Variants in TBC1D14 observed in about 807,000 individuals in gnomAD.
The protein encoded by TBC1D14 is TBC1 domain family, member 14.
A neutral mutation model predicts 79.0 loss-of-function variants in TBC1D14; 26 were observed. The observed-to-expected ratio is 0.33, with a 90% CI of 0.24 to 0.46. The LOEUF (loss-of-function observed/expected upper bound fraction) is 0.46. Among genes scored for constraint, TBC1D14 ranks in the 20% least tolerant of loss-of-function variants. The pLI is 1.00. For synonymous variants in TBC1D14, 394 were observed against 349.9 expected, an observed-to-expected ratio of 1.13 and a Z score of -1.40; for missense variants, 769 against 887.6, an observed-to-expected ratio of 0.87 and a Z score of 1.70.
chr4:6,964,213 GC>G (rs1177656916), intron 2 of TBC1D14, among the ~76,000 whole-genome samples: 1 of 152,090 alleles, frequency 6.6e-6, no homozygotes, highest in Non-Finnish European at 1.5e-5. Context: ...CCTCCTGCCA[GC>G]CCGTTTCAGT....
At chr4:6,981,023 T>G in intron 3 of TBC1D14, among the ~76,000 whole-genome samples, 1 of 97,768 alleles carries the variant, frequency 1.0e-5, no homozygotes, top group African/African-American at 3.4e-5. Flanking sequence ...CCTCTGTCTC[T>G]TTTTTTTTTT....
chr4:6,961,513 T>G (rs907479515), intron 2 of TBC1D14, among the ~76,000 whole-genome samples: 1 of 151,950 alleles, frequency 6.6e-6, no homozygotes, highest in Non-Finnish European at 1.5e-5. Flanking sequence ...TGTGTGTGCA[T>G]GGCCAGGCTG....
chr4:6,920,198 A>G lies in TBC1D14; in HGVS notation c.-17-3175A>G, dbSNP rs112673190. ...TTTCATTTAATTCCTTCACATTTCT[A>G]TTTTTGACTCAGCGCTGCACTCTTA... On this transcript the variant is annotated intron_variant, in intron 1 of 13. Transcript: ENST00000409757. Among the ~76,000 whole-genome samples, 519 of 152,060 alleles carry G rather than the reference A, an allele frequency of 3.4e-3. 2 individuals carry two copies. Among genetic ancestry groups the G allele is most frequent in the African/African-American group, 0.012 (489 of 41,450 alleles).
intron 2 of TBC1D14, among the ~76,000 whole-genome samples, chr4:6,964,684 T>C (rs1216431501): frequency 6.6e-6 from 1 of 152,168 alleles, no homozygotes; most frequent in Non-Finnish European, 1.5e-5. Context: ...GGCACGATCA[T>C]AGTGAAAGTC....
At chr4:6,942,736 C>T (rs1164880553) in intron 2 of TBC1D14, among the ~76,000 whole-genome samples, 8 of 152,114 alleles carry the variant, frequency 5.3e-5, no homozygotes, top group African/African-American at 1.7e-4. Context: ...CCACATCCTG[C>T]AGAACCAGGC....
At chr4:6,942,864 T>A (rs1713041592) in intron 2 of TBC1D14, among the ~76,000 whole-genome samples, 1 of 152,194 alleles carries the variant, frequency 6.6e-6, no homozygotes, top group South Asian at 2.1e-4. Flanking sequence ...TGGGATAGAT[T>A]TTATCCCTTT....
At chr4:7,005,932 A>G (rs985541969) in intron 8 of TBC1D14, among the ~76,000 whole-genome samples, 1 of 152,234 alleles carries the variant, frequency 6.6e-6, no homozygotes, top group Non-Finnish European at 1.5e-5. Flanking sequence ...ACACACAAGG[A>G]TGATTACTTC....
chr4:7,027,128 T>C (rs1722457120), intron 13 of TBC1D14, among the ~76,000 whole-genome samples: 1 of 151,892 alleles, frequency 6.6e-6, no homozygotes, highest in Non-Finnish European at 1.5e-5. Flanking sequence ...GGAGAATTGC[T>C]AGAACCTGGG....
At chr4:6,992,706 T>C (rs1351052372) in intron 3 of TBC1D14, among the ~76,000 whole-genome samples, 1 of 152,238 alleles carries the variant, frequency 6.6e-6, no homozygotes, top group Non-Finnish European at 1.5e-5. Flanking sequence ...TCCTATGAAA[T>C]TGGAGACTTT....
chr4:6,911,101 C>T (rs935252319), intron 1 of TBC1D14, among the ~76,000 whole-genome samples: 1 of 152,178 alleles, frequency 6.6e-6, no homozygotes, highest in Non-Finnish European at 1.5e-5. Context: ...TAGAACACTT[C>T]CTGTTGCCCA....
chr4:6,982,361 T>C (rs1175849694), intron 3 of TBC1D14, among the ~76,000 whole-genome samples: 1 of 152,232 alleles, frequency 6.6e-6, no homozygotes, highest in Admixed American at 6.5e-5. Context: ...GTTTGCGTGC[T>C]GTGATTTCAT....
intron 2 of TBC1D14, among the ~76,000 whole-genome samples, chr4:6,936,517 T>A (rs1304897959): frequency 6.6e-6 from 1 of 152,236 alleles, no homozygotes; most frequent in African/African-American, 2.4e-5. Flanking sequence ...TACCGTAGTT[T>A]ATCCATTCAC....
At chr4:6,958,985 G>A (rs1018892342) in intron 2 of TBC1D14, among the ~76,000 whole-genome samples, 20 of 151,882 alleles carry the variant, frequency 1.3e-4, no homozygotes, top group Non-Finnish European at 2.5e-4. Context: ...CCGGGTTCAC[G>A]CCATTCTCCT....
chr4:6,942,611 T>G (rs757062756), intron 2 of TBC1D14, among the ~76,000 whole-genome samples: 9 of 152,226 alleles, frequency 5.9e-5, no homozygotes, highest in Non-Finnish European at 1.0e-4. Flanking sequence ...GAGGTTAGCT[T>G]TAAGCTCTGA....
chr4:6,939,378 C>T (rs1230200493), intron 2 of TBC1D14, among the ~76,000 whole-genome samples: 1 of 149,616 alleles, frequency 6.7e-6, no homozygotes, highest in African/African-American at 2.5e-5. Flanking sequence ...AGCTCTGTGG[C>T]TGGGGCACCT....
Position 6,998,978 on chromosome 4 carries a change from C to A in TBC1D14, c.1046-107C>A. On this transcript the variant is annotated intron_variant, in intron 5 of 13. Transcript: ENST00000409757. ...GCTGGAGCTGATGCTCGCTCTGCTTCAGGGCGGTTTTCCTGGTGTGTTCGC... is the reference window on the plus strand; with the variant it reads ...GCTGGAGCTGATGCTCGCTCTGCTTAAGGGCGGTTTTCCTGGTGTGTTCGC... 3.0e-6 allele frequency: 3 copies of A among 987,614 alleles called. No homozygotes were observed. The South Asian group carries it at 4.4e-5, about 15-fold the overall frequency. 61.2% of individuals were successfully genotyped at this position (987,614 alleles called of 1,614,324 possible). A position where few individuals can be genotyped will look rare whatever the true frequency, so the allele number is the denominator to read the frequency against.
chr4:6,990,258 G>C (rs966822960), intron 3 of TBC1D14, among the ~76,000 whole-genome samples: 2 of 152,282 alleles, frequency 1.3e-5, no homozygotes, highest in South Asian at 2.1e-4. Context: ...AGACCAGCCT[G>C]GCCAACATGG....
chr4:6,924,211 G>A, intron 2 of TBC1D14, 100 bp downstream of exon 2: 1 of 1,435,570 alleles, frequency 7.0e-7, no homozygotes, highest in Non-Finnish European at 9.2e-7. Flanking sequence ...GTGGTGTTAG[G>A]CAGGCACTGT....
chr4:6,973,273 C>T (rs1423825465), intron 3 of TBC1D14, among the ~76,000 whole-genome samples: 12 of 151,644 alleles, frequency 7.9e-5, no homozygotes. Context: ...TCTCTCCTCA[C>T]CTCTGAGAAG....
Sources: allele counts gnomAD v4.1 joint callset (sites outside exome capture counted in the v4.1 genomes callset), GRCh38; gene constraint gnomAD v4.1.1; transcripts MANE v1.5; gene names NCBI Gene and HGNC (gene_info 2026-07-23, HGNC 2026-07-21).